ROR2: variants seen among roughly 807,000 people sequenced by gnomAD.
ROR2 encodes ROR family WNT receptor 2, also known as tyrosine-protein kinase transmembrane receptor ROR2.
A neutral mutation model predicts 74.9 loss-of-function variants in ROR2; 33 were observed. The ratio of observed to expected loss-of-function variants is 0.44; its 90% CI spans 0.33 to 0.59. ROR2 has a LOEUF of 0.59. Among genes scored for constraint, ROR2 ranks in the 20% least tolerant of loss-of-function variants. The probability of loss-of-function intolerance (pLI) is 0.02; values close to 1 mark genes in which losing one functional copy is unlikely to be tolerated. For missense variants in ROR2, 1,216 were observed against 1,313.8 expected (o/e 0.93, Z 1.15); for synonymous variants, 586 against 558.7 (o/e 1.05, Z -0.69).
chr9:91,778,957 G>T (rs7025400), intron 1 of ROR2, among the ~76,000 whole-genome samples: 35,127 of 152,078 alleles, frequency 0.23, 4,270 homozygotes, highest in Middle Eastern at 0.34. Context: ...CTGGTATAAT[G>T]AAATGACACA....
At chr9:91,767,065 G>C (rs1826079481) in intron 2 of ROR2, among the ~76,000 whole-genome samples, 1 of 150,928 alleles carries the variant, frequency 6.6e-6, no homozygotes, top group Non-Finnish European at 1.5e-5. Context: ...GTCAGAGTCA[G>C]ATCAATGACT....
At chr9:91,937,921 TTGCC>T (rs1831745435) in intron 1 of ROR2, among the ~76,000 whole-genome samples, 2 of 152,170 alleles carry the variant, frequency 1.3e-5, no homozygotes, top group Non-Finnish European at 2.9e-5. Flanking sequence ...TCTTGCTATG[TTGCC>T]CAGGCTGGTC....
At chr9:91,796,744 GGGGCTGACACCCTGCATTCTGTGGGCA>G (rs1302543949) in intron 1 of ROR2, among the ~76,000 whole-genome samples, 84 of 149,778 alleles carry the variant, frequency 5.6e-4, no homozygotes, top group East Asian at 1.2e-3. Context: ...CTCTGTGGGC[GGGGCTGACACCCTGCATTCTGTGGGCA>G]GGGCTGACAC....
At chr9:91,831,121 T>C (rs1474798958) in intron 1 of ROR2, among the ~76,000 whole-genome samples, 3 of 151,620 alleles carry the variant, frequency 2.0e-5, no homozygotes, top group African/African-American at 7.3e-5. Flanking sequence ...ATTAGCCTGG[T>C]GTGGTGGTGC....
At chr9:91,838,883 C>G (rs562297760) in intron 1 of ROR2, among the ~76,000 whole-genome samples, 1 of 152,222 alleles carries the variant, frequency 6.6e-6, no homozygotes, top group South Asian at 2.1e-4. Flanking sequence ...AATCGTCTTT[C>G]GGCACACAGT....
chr9:91,735,732 T>G (rs1470572766), intron 5 of ROR2, among the ~76,000 whole-genome samples: 2 of 148,482 alleles, frequency 1.3e-5, no homozygotes, highest in African/African-American at 5.0e-5. Flanking sequence ...TTCTTCTGCC[T>G]CAGCCTCCCA....
In ROR2 at chr9:91,863,084, G is replaced by C. The variant is rs368150403; in HGVS notation, c.97+86783C>G. Among the ~76,000 whole-genome samples, 4 of 152,362 alleles carry C rather than the reference G, an allele frequency of 2.6e-5. No individual in the cohort carries two copies. In the East Asian group the frequency reaches 5.8e-4, roughly 22 times the overall value. On this transcript the variant is annotated intron_variant, in intron 1 of 8. Transcript: ENST00000375708. ...GACACACAATAACAAGTGTTAGTGA[G>C]GATGTGCAGAAAGTGCAAGCTTATA...
rs1831496567 is a variant in ROR2 at position 91,929,498 on chromosome 9, T to G, written c.97+20369A>C. Among the ~76,000 whole-genome samples the G allele has an allele frequency of 2.0e-5, 3 of 152,106 alleles. No individual in the cohort carries two copies. In the South Asian group the frequency reaches 6.2e-4, roughly 32 times the overall value. On this transcript the variant is annotated intron_variant, in intron 1 of 8. Coordinates refer to ENST00000375708, the MANE Select transcript of ROR2 (RefSeq NM_004560.4). ...TCCATCCCACACAGCCAATGTTCTATCCCATCAAGAGACTGAGGCAACACC... is the reference window on the plus strand; with the variant it reads ...TCCATCCCACACAGCCAATGTTCTAGCCCATCAAGAGACTGAGGCAACACC...
intron 1 of ROR2, among the ~76,000 whole-genome samples, chr9:91,811,147 C>A (rs1587741533): frequency 6.6e-6 from 1 of 152,232 alleles, no homozygotes; most frequent in Admixed American, 6.5e-5. Context: ...TCTTTCCTTC[C>A]CACACCTCCC....
chr9:91,724,664 G>A lies in ROR2; in HGVS notation c.1830C>T (p.His610=), dbSNP rs138080280. ...GGGTGGCCAGGTCCTTGTGAACCACGTGGTGGCTGGATAGGTACTCCATCC... is the reference window on the plus strand; with the variant it reads ...GGGTGGCCAGGTCCTTGTGAACCACATGGTGGCTGGATAGGTACTCCATCC... ...AAGMEYLSSH[H]VVHKDLATRN... Residue 610 remains histidine (H), a synonymous_variant, in exon 9 of 9, where the codon CAC becomes CAT. Transcript: ENST00000375708. The A allele has an allele frequency of 2.6e-4, 418 of 1,614,174 alleles. No individual in the cohort carries two copies. The highest frequency in any genetic ancestry group is 3.2e-4 in the Admixed American group (19 of 60,030).
intron 6 of ROR2, among the ~76,000 whole-genome samples, chr9:91,731,604 T>C (rs1195402615): frequency 1.3e-5 from 2 of 152,164 alleles, no homozygotes; most frequent in Non-Finnish European, 2.9e-5. Flanking sequence ...GGGTGTGCAT[T>C]TGGTGAACAT....
At chr9:91,792,855 T>C (rs1827045987) in intron 1 of ROR2, among the ~76,000 whole-genome samples, 1 of 152,126 alleles carries the variant, frequency 6.6e-6, no homozygotes, top group East Asian at 1.9e-4. Context: ...AGAAAATCTA[T>C]ATAGATCTCT....
chr9:91,731,180 A>G (rs1749510625), intron 6 of ROR2, 25 bp from the exon 7 acceptor site: 2 of 1,613,588 alleles, frequency 1.2e-6, no homozygotes, highest in Non-Finnish European at 1.7e-6. Flanking sequence ...CACGTTAGGA[A>G]AACCTCCGGG....
intron 1 of ROR2, among the ~76,000 whole-genome samples, chr9:91,829,843 T>C (rs1415115845): frequency 6.6e-6 from 1 of 152,200 alleles, no homozygotes; most frequent in Non-Finnish European, 1.5e-5. Flanking sequence ...ACAATAAATA[T>C]TTTTAACGTA....
At chr9:91,783,565 C>T (rs553834990) in intron 1 of ROR2, among the ~76,000 whole-genome samples, 16 of 152,188 alleles carry the variant, frequency 1.1e-4, no homozygotes, top group South Asian at 4.2e-4. Flanking sequence ...CTGCTGAGAC[C>T]GGCAGTCCTC....
intron 1 of ROR2, among the ~76,000 whole-genome samples, chr9:91,807,472 C>T (rs940685676): frequency 6.6e-6 from 1 of 152,190 alleles, no homozygotes; most frequent in East Asian, 1.9e-4. Context: ...TGTGTTTTCC[C>T]CAAGTTCTGT....
At chr9:91,771,298 C>A (rs1826220828) in intron 2 of ROR2, among the ~76,000 whole-genome samples, 1 of 152,176 alleles carries the variant, frequency 6.6e-6, no homozygotes, top group Non-Finnish European at 1.5e-5. Context: ...CCCGCCCCAG[C>A]CTTCAGAAAT....
At chr9:91,735,251 C>T (rs767158424) in intron 5 of ROR2, among the ~76,000 whole-genome samples, 134 of 152,348 alleles carry the variant, frequency 8.8e-4, no homozygotes, top group Non-Finnish European at 1.2e-3. Context: ...GAATGTCACA[C>T]AACACTTTCC....
chr9:91,943,161 T>A (rs1434891783), intron 1 of ROR2, among the ~76,000 whole-genome samples: 1 of 152,134 alleles, frequency 6.6e-6, no homozygotes, highest in Non-Finnish European at 1.5e-5. Flanking sequence ...ACCACTCACT[T>A]GCGTTCTAAC....
Sources: allele counts gnomAD v4.1 joint callset (sites outside exome capture counted in the v4.1 genomes callset), GRCh38; gene constraint gnomAD v4.1.1; transcripts MANE v1.5; gene names NCBI Gene and HGNC (gene_info 2026-07-23, HGNC 2026-07-21).